Variants in GAB1 observed in about 807,000 individuals in gnomAD.
The protein encoded by GAB1 is GRB2 associated binding protein 1.
A neutral mutation model predicts 66.5 loss-of-function variants in GAB1; 19 were observed. The observed-to-expected ratio is 0.29, with a 90% CI of 0.20 to 0.42. The LOEUF (loss-of-function observed/expected upper bound fraction) is 0.42, where lower values mean the gene tolerates loss of function less well. Ranked by LOEUF, GAB1 falls within the 10% of genes least tolerant of loss-of-function variation. GAB1 has a pLI of 1.00. For missense variants in GAB1, 732 were observed against 858.5 expected (o/e 0.85, Z 1.84); for synonymous variants, 294 against 301.4 (o/e 0.98, Z 0.25).
chr4:143,413,173 A>T (rs1455527649), intron 1 of GAB1, among the ~76,000 whole-genome samples: 1 of 152,198 alleles, frequency 6.6e-6, no homozygotes, highest in African/African-American at 2.4e-5. Flanking sequence ...TGATTTCTTG[A>T]GGGCCCTGCA....
chr4:143,373,871 A>G (rs1305826014), intron 1 of GAB1, among the ~76,000 whole-genome samples: 2 of 126,788 alleles, frequency 1.6e-5, no homozygotes, highest in Non-Finnish European at 3.3e-5. Flanking sequence ...ATAAATAAAT[A>G]TATATATATA....
At chr4:143,365,720 C>T in intron 1 of GAB1, among the ~76,000 whole-genome samples, 1 of 152,156 alleles carries the variant, frequency 6.6e-6, no homozygotes, top group Non-Finnish European at 1.5e-5. Context: ...ATACTGTATA[C>T]TTAAGGGAGC....
chr4:143,352,954 A>G (rs909990747), intron 1 of GAB1, among the ~76,000 whole-genome samples: 12 of 152,222 alleles, frequency 7.9e-5, no homozygotes, highest in Non-Finnish European at 1.8e-4. Context: ...CAGAAGTGAA[A>G]AGGAATTTTT....
intron 6 of GAB1, among the ~76,000 whole-genome samples, chr4:143,449,449 A>T (rs1190431002): frequency 1.3e-5 from 2 of 151,744 alleles, no homozygotes; most frequent in African/African-American, 4.8e-5. Context: ...GTCACTCAGG[A>T]CTTGCTTTAT....
intron 1 of GAB1, among the ~76,000 whole-genome samples, chr4:143,400,483 G>GAGT (rs1731712026): frequency 6.6e-6 from 1 of 152,184 alleles, no homozygotes; most frequent in South Asian, 2.1e-4. Flanking sequence ...TATGGAGCTG[G>GAGT]AGTTGGGGCT....
At chr4:143,351,219 G>T (rs1024220570) in intron 1 of GAB1, among the ~76,000 whole-genome samples, 1 of 152,212 alleles carries the variant, frequency 6.6e-6, no homozygotes, top group Admixed American at 6.5e-5. Flanking sequence ...TTGCCTTGGT[G>T]TACCAGAAGA....
chr4:143,371,803 G>A (rs892790245), intron 1 of GAB1, among the ~76,000 whole-genome samples: 50 of 127,084 alleles, frequency 3.9e-4, no homozygotes, highest in African/African-American at 1.5e-3. Flanking sequence ...TTATTAAATA[G>A]GGTATCCTTT....
In GAB1 at chr4:143,473,702, T is replaced by G. The variant is rs1482367430; in HGVS notation, c.*4513T>G. The G allele has an allele frequency of 6.6e-6, 1 of 152,206 alleles. No homozygotes were observed. Among genetic ancestry groups the G allele is most frequent in the African/African-American group, 2.4e-5 (1 of 41,460 alleles). 9.4% of individuals were successfully genotyped at this position (152,206 alleles called of 1,614,324 possible). On this transcript the variant is annotated 3_prime_UTR_variant, in exon 10 of 10. Coordinates refer to ENST00000262994, the MANE Select transcript of GAB1 (RefSeq NM_002039.4). ...TGTAAAATGTGACTTGGGAAATGAT[T>G]CTGTTTATTAACTGGCTGGGATTTT...
At chr4:143,439,664 G>A in intron 4 of GAB1, 138 bp from the exon 5 acceptor site, 1 of 634,750 alleles carries the variant, frequency 1.6e-6, no homozygotes, top group Non-Finnish European at 2.8e-6. Context: ...ACAGTTCTAT[G>A]AGCATCCTTT....
chr4:143,452,044 A>G (rs571109400), intron 6 of GAB1, among the ~76,000 whole-genome samples: 1 of 152,234 alleles, frequency 6.6e-6, no homozygotes, highest in African/African-American at 2.4e-5. Context: ...CATTAAGACT[A>G]GCTTTACGTT....
In GAB1 at chr4:143,393,219, G is replaced by GT. The variant is rs1263534282; in HGVS notation, c.73-22247dup. On this transcript the variant is annotated intron_variant, in intron 1 of 9. Transcript: ENST00000262994. ...AAGAAGGTTTTTCACATTTACAAAG[G>GT]TTTTTTTTTTTAAAAAAAAAAAAAG... is the stretch of plus-strand genomic sequence containing the variant. Among the ~76,000 whole-genome samples, 821 of 137,634 alleles carry GT rather than the reference G, an allele frequency of 6.0e-3. 11 individuals carry two copies. Among genetic ancestry groups the GT allele is most frequent in the African/African-American group, 0.019 (711 of 37,144 alleles). 90.3% of individuals were successfully genotyped at this position (137,634 alleles called of 152,430 possible).
In GAB1 at chr4:143,417,927, G is replaced by GATACC. The variant is rs199937889; in HGVS notation, c.367+2160_367+2164dup. Among the ~76,000 whole-genome samples the GATACC allele has an allele frequency of 9.5e-3, 1,444 of 152,314 alleles. 29 individuals are homozygous for GATACC. The highest frequency in any genetic ancestry group is 0.034 in the African/African-American group (1,393 of 41,552). On this transcript the variant is annotated intron_variant, in intron 2 of 9. Coordinates refer to ENST00000262994, the MANE Select transcript of GAB1 (RefSeq NM_002039.4). ...AACATCTACATTTAGGAGTGCTGTA[G>GATACC]ATACCATAAGGAGTGGAAAATTGTG...
chr4:143,438,148 G>A lies in GAB1; in HGVS notation c.743G>A (p.Arg248His), dbSNP rs752188636. 1.5e-5 allele frequency: 24 copies of A among 1,613,800 alleles called. No individual in the cohort carries two copies. Among genetic ancestry groups the A allele is most frequent in the Non-Finnish European group, 1.9e-5 (22 of 1,179,988 alleles). The change falls in exon 4 of 10, where the codon CGT becomes CAT. Residue 248 changes from arginine to histidine, a missense_variant. Arg to His is a conservative substitution (Grantham distance 29). Around this residue, in one of 4 missense-constraint regions of GAB1, gnomAD observed 427 missense variants for 420.6 expected, o/e 1.02. Transcript: ENST00000262994. ...ATGATATACGACTCTCCACCTTCAC[G>A]TGCCCCATCTGCTTCAGTTGACTCC... ...QQMIYDSPPS[R>H]APSASVDSSL...
At chr4:143,438,632 G>A in intron 4 of GAB1, 32 bp downstream of exon 4, 1 of 1,576,626 alleles carries the variant, frequency 6.3e-7, no homozygotes. Context: ...CTCTATTAGA[G>A]GTTAATGATA....
Position 143,413,091 on chromosome 4 carries a change from A to G in GAB1, c.73-2386A>G, listed in dbSNP as rs1034751204. Among the ~76,000 whole-genome samples the G allele has an allele frequency of 3.3e-5, 5 of 152,290 alleles. No homozygotes were observed. The East Asian group carries it at 9.7e-4, about 29-fold the overall frequency. On this transcript the variant is annotated intron_variant, in intron 1 of 9. Coordinates refer to ENST00000262994, the MANE Select transcript of GAB1 (RefSeq NM_002039.4). ...AGAAAGATTTGCGTGCAAGACAATA[A>G]AGTTTTAAAAAGTCATTTCTGTATT...
At chr4:143,339,815 G>A (rs1232778101) in intron 1 of GAB1, among the ~76,000 whole-genome samples, 2 of 152,218 alleles carry the variant, frequency 1.3e-5, no homozygotes, top group African/African-American at 4.8e-5. Flanking sequence ...ACATTTGAGA[G>A]AGACAGTGGG....
intron 9 of GAB1, among the ~76,000 whole-genome samples, chr4:143,468,205 ATTCTT>A (rs1735895174): frequency 7.7e-6 from 1 of 129,318 alleles, no homozygotes; most frequent in African/African-American, 3.3e-5. Context: ...ATTAGTTTGA[ATTCTT>A]TTTTTTTTTT....
intron 1 of GAB1, among the ~76,000 whole-genome samples, chr4:143,399,000 G>A (rs1731606593): frequency 6.6e-6 from 1 of 152,152 alleles, no homozygotes; most frequent in Non-Finnish European, 1.5e-5. Flanking sequence ...AGATGAGTGT[G>A]CTTTCTGATA....
At chr4:143,451,612 GA>G (rs551417022) in intron 6 of GAB1, among the ~76,000 whole-genome samples, 373 of 152,152 alleles carry the variant, frequency 2.5e-3, no homozygotes, top group Non-Finnish European at 3.8e-3. Flanking sequence ...ATACAATAGA[GA>G]AAATAATTGT....
Sources: gnomAD v4.1 joint callset for allele counts (sites outside exome capture counted in the v4.1 genomes callset) on GRCh38, gnomAD v4.1.1 for gene constraint, gnomAD v4.1.1 regional missense constraint, MANE v1.5 for transcripts, NCBI Gene and HGNC (gene_info 2026-07-23, HGNC 2026-07-21) for gene names.